The following LAMA5 variants were observed in gnomAD, a reference collection of about 807,000 sequenced individuals.
LAMA5 encodes laminin subunit alpha-5.
LAMA5 carries 260 observed loss-of-function variants against 433.4 expected under a neutral mutation model. The ratio of observed to expected loss-of-function variants is 0.60; its 90% CI spans 0.54 to 0.66. The LOEUF (loss-of-function observed/expected upper bound fraction) is 0.66. LAMA5 is among the 30% of genes least tolerant of loss of function. The pLI is 0.00. For synonymous variants in LAMA5, 2,620 were observed against 2,226.6 expected, an observed-to-expected ratio of 1.18 and a Z score of -4.97; for missense variants, 5,378 against 5,258.5, an observed-to-expected ratio of 1.02 and a Z score of -0.70.
chr20:62,363,164 C>G (rs1329977426), intron 1 of LAMA5, among the ~76,000 whole-genome samples: 8 of 152,176 alleles, frequency 5.3e-5, no homozygotes, highest in Admixed American at 5.2e-4. Flanking sequence ...ATCTTGCCCA[C>G]AGCCTTCTGG....
At chr20:62,315,825 C>T in intron 58 of LAMA5, 123 bp downstream of exon 58, 1 of 724,726 alleles carries the variant, frequency 1.4e-6, no homozygotes, top group Non-Finnish European at 2.3e-6. Context: ...CTGGCCCCAG[C>T]TGCCCACTGT....
At chr20:62,347,492 G>A (rs1386609057) in intron 6 of LAMA5, among the ~76,000 whole-genome samples, 1 of 152,158 alleles carries the variant, frequency 6.6e-6, no homozygotes, top group African/African-American at 2.4e-5. Context: ...AAGGGAAAGG[G>A]GTCCATTTGC....
intron 11 of LAMA5, among the ~76,000 whole-genome samples, chr20:62,339,856 A>G (rs1404153775): frequency 1.6e-4 from 24 of 152,260 alleles, no homozygotes; most frequent in Admixed American, 1.6e-3. Context: ...GACAGAGGCA[A>G]GGACGATCGT....
intron 11 of LAMA5, among the ~76,000 whole-genome samples, chr20:62,343,626 A>G (rs1982922296): frequency 6.6e-6 from 1 of 150,386 alleles, no homozygotes; most frequent in Non-Finnish European, 1.5e-5. Flanking sequence ...AAATACAAAA[A>G]TTAGCCAGGC....
At position 62,314,455 on chromosome 20, in the gene LAMA5, GAC is replaced by G. The variant is rs765173692; in HGVS notation, c.8368-17_8368-16del. 1,215 of 1,613,154 alleles carry G rather than the reference GAC, an allele frequency of 7.5e-4. No individual in the cohort carries two copies. Among genetic ancestry groups the G allele is most frequent in the Non-Finnish European group, 9.6e-4 (1,132 of 1,179,834 alleles). On this transcript the variant is annotated splice_polypyrimidine_tract_variant and intron_variant, in intron 61 of 79. Transcript: ENST00000252999. ...TCCCCAGTGGCCTGCGGCAGTGACA[GAC>G]ACACAGTCGGGATGGGGACCGGGGA... is the stretch of plus-strand genomic sequence containing the variant.
At chr20:62,345,946 C>A in intron 10 of LAMA5, 69 bp from the exon 11 acceptor site, 2 of 1,562,710 alleles carry the variant, frequency 1.3e-6, no homozygotes, top group African/African-American at 2.7e-5. Context: ...CCCCTGCCAC[C>A]CTTGGTCTCT....
At position 62,311,711 on chromosome 20, in the gene LAMA5, GCGGCTGGAGCT is replaced by G; in HGVS notation, c.9698_9708del (p.Glu3233AlafsTer3). ...AGGAGCCTCGGGGGCCCCTCAGGCT[GCGGCTGGAGCT>G]CGGGGGGTGGTCCCCGGTGGGGCTT... On this transcript the variant is annotated frameshift_variant, in exon 71 of 80. Coordinates refer to ENST00000252999, the MANE Select transcript of LAMA5 (RefSeq NM_005560.6). LOFTEE classifies it high-confidence loss of function. 6.4e-7 allele frequency: 1 copy of G among 1,567,932 alleles called. No homozygotes were observed. Among genetic ancestry groups the G allele is most frequent in the Non-Finnish European group, 8.6e-7 (1 of 1,157,474 alleles).
In LAMA5 at chr20:62,309,855, C is replaced by T. The variant is rs761127397; in HGVS notation, c.10829-20G>A. On this transcript the variant is annotated intron_variant, in intron 78 of 79. Coordinates refer to ENST00000252999, the MANE Select transcript of LAMA5 (RefSeq NM_005560.6). The stretch of plus-strand genomic sequence containing the variant: ...TCATCACTGGGAGAAAGGGGGACTC[C>T]TGAGGCCAGGTGGTCCTCAGCCCAG... The T allele has an allele frequency of 6.2e-7, 1 of 1,610,918 alleles. No individual in the cohort carries two copies. Among genetic ancestry groups the T allele is most frequent in the South Asian group, 1.1e-5 (1 of 91,028 alleles).
At position 62,316,027 on chromosome 20, in the gene LAMA5, C is replaced by G; in HGVS notation, c.7788G>C (p.Gln2596His). The G allele has an allele frequency of 1.2e-6, 2 of 1,609,498 alleles. No homozygotes were observed. The highest frequency in any genetic ancestry group is 1.7e-6 in the Non-Finnish European group (2 of 1,179,442). Residue 2596 changes from glutamine to histidine, a missense_variant, in exon 58 of 80, where the codon CAG becomes CAC. Gln to His is a conservative substitution (Grantham distance 24, BLOSUM62 0). Transcript: ENST00000252999. The part of the protein sequence containing the change: ...VWAALQGART[Q>H]LRDVRAKKDQ... ...CCTTCTTGGCCCGGACATCTCGGAG[C>G]TGGGTCCTGGCACCCTGGAGGGCAG...
intron 53 of LAMA5, among the ~76,000 whole-genome samples, chr20:62,318,059 G>A (rs534556351): frequency 1.4e-4 from 3 of 21,660 alleles, no homozygotes; most frequent in African/African-American, 8.0e-4. Context: ...GAGGGGGTGA[G>A]GAGAGATGGG....
Position 62,348,049 on chromosome 20 carries a change from G to A in LAMA5, c.957-1021C>T, listed in dbSNP as rs184506684. Among the ~76,000 whole-genome samples the A allele has an allele frequency of 3.1e-3, 471 of 152,304 alleles. 3 individuals carry two copies. Among genetic ancestry groups the A allele is most frequent in the African/African-American group, 0.011 (458 of 41,556 alleles). ...GTACCTATAAGCAAGGGCCTGAACT[G>A]GTGTTCCATTTTTCAAAAATCCACA... On this transcript the variant is annotated intron_variant, in intron 6 of 79. Transcript: ENST00000252999.
chr20:62,311,366 C>A, intron 72 of LAMA5, 35 bp downstream of exon 72: 1 of 1,528,594 alleles, frequency 6.5e-7, no homozygotes, highest in South Asian at 1.2e-5. Flanking sequence ...CTTCCAGCCA[C>A]CCCAGCTCTG....
In LAMA5 at chr20:62,322,155, A is replaced by C. The variant is rs185644230; in HGVS notation, c.6360T>G (p.Pro2120=). The change falls in exon 48 of 80, where the codon CCT becomes CCG. Residue 2120 remains proline, a synonymous_variant. Transcript: ENST00000252999. Reference sequence around the variant, plus strand: ...CCGTGTGAGGGTCACAGCGGCCCCCAGGGCACTGGCAGCCTGTGGTGGGGG... The same window carrying C: ...CCGTGTGAGGGTCACAGCGGCCCCCCGGGCACTGGCAGCCTGTGGTGGGGG... ...PEQGCRRCQC[P]GGRCDPHTGR... The C allele has an allele frequency of 5.6e-4, 892 of 1,596,720 alleles. 4 individuals are homozygous for C. The African/African-American group carries it at 1.0e-2, about 18-fold the overall frequency.
intron 11 of LAMA5, among the ~76,000 whole-genome samples, chr20:62,339,231 CTTTTTTTTTTTT>C (rs151158845): frequency 8.9e-5 from 5 of 55,960 alleles, no homozygotes; most frequent in Non-Finnish European, 1.3e-4. Context: ...ATTATAGTTT[CTTTTTTTTTTTT>C]TTTTTTTTTT....
At chr20:62,314,512 CAG>C in intron 61 of LAMA5, 41 bp downstream of exon 61, 2 of 1,607,272 alleles carry the variant, frequency 1.2e-6, no homozygotes, top group South Asian at 1.1e-5. Context: ...CATTTCCAAA[CAG>C]AGCCTGAGCT....
In LAMA5 at chr20:62,338,165, G is replaced by T; in HGVS notation, c.1757-15C>A. The stretch of plus-strand genomic sequence containing the variant: ...GCAGCCACACACTGCAGAGCGGAGC[G>T]GGTGTCACGGTAGGCCAGGCCCACG... On this transcript the variant is annotated splice_polypyrimidine_tract_variant and intron_variant, in intron 13 of 79. Transcript: ENST00000252999. 1 of 1,571,112 alleles carries T rather than the reference G, an allele frequency of 6.4e-7. No individual in the cohort carries two copies. Among genetic ancestry groups the T allele is most frequent in the Non-Finnish European group, 8.7e-7 (1 of 1,155,572 alleles).
At chr20:62,340,305 GTTTTTTTTTTTTTT>G (rs34415039) in intron 11 of LAMA5, among the ~76,000 whole-genome samples, 1 of 99,464 alleles carries the variant, frequency 1.0e-5, no homozygotes, top group Non-Finnish European at 1.8e-5. Flanking sequence ...AGCCTCCTTT[GTTTTTTTTTTTTTT>G]TTTTTTTTTG....
At chr20:62,309,610 A>AGGGTGGGAGGGGGCAGGGGGAGGAG (rs1985919688) in intron 79 of LAMA5, 106 bp downstream of exon 79, 2 of 337,106 alleles carry the variant, frequency 5.9e-6, no homozygotes, top group Non-Finnish European at 9.5e-6. Context: ...GGGTGGGAGG[A>AGGGTGGGAGGGGGCAGGGGGAGGAG]GGGTGGGAGG....
chr20:62,320,125 C>A (rs1172496560), intron 50 of LAMA5, among the ~76,000 whole-genome samples: 1 of 151,920 alleles, frequency 6.6e-6, no homozygotes, highest in Admixed American at 6.6e-5. Context: ...TCAAGACCAG[C>A]CTGACCAACA....
Sources: gnomAD v4.1 joint callset for allele counts (sites outside exome capture counted in the v4.1 genomes callset) on GRCh38, gnomAD v4.1.1 for gene constraint, MANE v1.5 for transcripts, NCBI Gene and HGNC (gene_info 2026-07-23, HGNC 2026-07-21) for gene names.